Variants in SLC1A2 observed in about 807,000 individuals in gnomAD.
The protein encoded by SLC1A2 is excitatory amino acid transporter 2.
Under a neutral mutation model 48.8 loss-of-function variants are expected in SLC1A2, and 15 were observed. The observed-to-expected ratio is 0.31, with a 90% CI of 0.21 to 0.47. The LOEUF is 0.47. Among genes scored for constraint, SLC1A2 ranks in the 20% least tolerant of loss-of-function variants. The probability of loss-of-function intolerance (pLI) is 0.99; values close to 1 mark genes in which losing one functional copy is unlikely to be tolerated. For missense variants in SLC1A2, 502 were observed against 730.5 expected (o/e 0.69, Z 3.61); for synonymous variants, 279 against 272.6 (o/e 1.02, Z -0.23).
At chr11:35,417,174 T>A (rs957423159) in intron 1 of SLC1A2, among the ~76,000 whole-genome samples, 3 of 152,250 alleles carry the variant, frequency 2.0e-5, no homozygotes, top group African/African-American at 7.2e-5. Context: ...TTCTTAACCA[T>A]AAACAGTGCA....
chr11:35,285,955 T>G (rs947678146), intron 8 of SLC1A2: 1 of 152,148 alleles, frequency 6.6e-6, no homozygotes, highest in African/African-American at 2.4e-5. Context: ...GTGATAATAT[T>G]AAAAAGATGA....
At chr11:35,338,150 T>C (rs1033387421) in intron 1 of SLC1A2, among the ~76,000 whole-genome samples, 1 of 152,204 alleles carries the variant, frequency 6.6e-6, no homozygotes, top group Non-Finnish European at 1.5e-5. Context: ...AAGGTTTTAT[T>C]AGAACACAGC....
intron 1 of SLC1A2, among the ~76,000 whole-genome samples, chr11:35,368,209 A>G (rs1853927006): frequency 6.6e-6 from 1 of 152,202 alleles, no homozygotes; most frequent in African/African-American, 2.4e-5. Flanking sequence ...CAGAACATTC[A>G]TTTCACACTT....
chr11:35,326,541 G>A (rs1427271199), intron 1 of SLC1A2, among the ~76,000 whole-genome samples: 2 of 152,188 alleles, frequency 1.3e-5, no homozygotes, highest in Non-Finnish European at 2.9e-5. Flanking sequence ...GCCAGGACTG[G>A]GTCTTTTTAT....
At chr11:35,411,097 C>T (rs559513170) in intron 1 of SLC1A2, among the ~76,000 whole-genome samples, 2 of 152,276 alleles carry the variant, frequency 1.3e-5, no homozygotes, top group South Asian at 4.1e-4. Context: ...TGCTAAGATT[C>T]TATGATGATT....
At chr11:35,368,492 C>T (rs767769624) in intron 1 of SLC1A2, among the ~76,000 whole-genome samples, 5 of 152,194 alleles carry the variant, frequency 3.3e-5, no homozygotes, top group Non-Finnish European at 7.3e-5. Context: ...TATTGATTAT[C>T]ATCAAATCTA....
chr11:35,322,451 T>G (rs1368202040), intron 1 of SLC1A2: 10 of 663,204 alleles, frequency 1.5e-5, no homozygotes, highest in Non-Finnish European at 2.6e-5. Flanking sequence ...AACTCTTTTT[T>G]CCACCTTCAC....
intron 1 of SLC1A2, among the ~76,000 whole-genome samples, chr11:35,340,151 C>T (rs902404446): frequency 8.5e-5 from 13 of 152,120 alleles, no homozygotes; most frequent in Admixed American, 2.0e-4. Context: ...GAAGAAGCAA[C>T]GGGACCCAGC....
chr11:35,395,331 A>G (rs1854919158), intron 1 of SLC1A2, among the ~76,000 whole-genome samples: 1 of 151,716 alleles, frequency 6.6e-6, no homozygotes, highest in African/African-American at 2.4e-5. Context: ...TCTCTTTTTA[A>G]TCTTTGATAA....
intron 10 of SLC1A2, among the ~76,000 whole-genome samples, chr11:35,263,603 A>G (rs1950431445): frequency 6.6e-6 from 1 of 152,220 alleles, no homozygotes; most frequent in Non-Finnish European, 1.5e-5. Flanking sequence ...AAATATTAAG[A>G]GGCCTCTTGA....
At chr11:35,354,632 A>T (rs1853389790) in intron 1 of SLC1A2, among the ~76,000 whole-genome samples, 1 of 152,096 alleles carries the variant, frequency 6.6e-6, no homozygotes, top group Non-Finnish European at 1.5e-5. Context: ...TCACCCCCCA[A>T]AACAAAGAAT....
intron 9 of SLC1A2, among the ~76,000 whole-genome samples, chr11:35,266,776 A>G (rs942380916): frequency 1.3e-5 from 2 of 152,254 alleles, no homozygotes; most frequent in South Asian, 4.1e-4. Context: ...AGGACATTTT[A>G]GCTTTCAATT....
chr11:35,413,153 G>A (rs1001330641), intron 1 of SLC1A2, among the ~76,000 whole-genome samples: 5 of 152,362 alleles, frequency 3.3e-5, no homozygotes, highest in African/African-American at 9.6e-5. Flanking sequence ...CAGGTAACAT[G>A]AGAAAAGTAG....
chr11:35,402,941 A>G (rs1041879102), intron 1 of SLC1A2, among the ~76,000 whole-genome samples: 3 of 152,190 alleles, frequency 2.0e-5, no homozygotes, highest in Admixed American at 1.3e-4. Context: ...TAATCTTATC[A>G]CCTGTGGCTC....
At chr11:35,264,574 C>A (rs565032548) in intron 10 of SLC1A2, among the ~76,000 whole-genome samples, 1 of 152,352 alleles carries the variant, frequency 6.6e-6, no homozygotes, top group African/African-American at 2.4e-5. Context: ...GCCCATCAAG[C>A]TTGAAGAATT....
intron 1 of SLC1A2, among the ~76,000 whole-genome samples, chr11:35,355,955 G>A (rs967193415): frequency 1.3e-5 from 2 of 151,726 alleles, no homozygotes; most frequent in African/African-American, 4.8e-5. Flanking sequence ...TCTGAGCCTT[G>A]GTTTTCTCAT....
At chr11:35,278,362 G>A (rs753763298) in intron 9 of SLC1A2, among the ~76,000 whole-genome samples, 40 of 139,598 alleles carry the variant, frequency 2.9e-4, no homozygotes, top group Non-Finnish European at 5.3e-4. Context: ...TGCAACCTCC[G>A]CCTCCCAGGT....
At chr11:35,291,370 T>C (rs1355803702) in intron 7 of SLC1A2, 1 of 152,058 alleles carries the variant, frequency 6.6e-6, no homozygotes, top group Non-Finnish European at 1.5e-5. Flanking sequence ...CAAGCAATTC[T>C]CCTGCCACAG....
intron 1 of SLC1A2, among the ~76,000 whole-genome samples, chr11:35,370,246 G>C (rs1854011139): frequency 6.6e-6 from 1 of 152,182 alleles, no homozygotes; most frequent in African/African-American, 2.4e-5. Context: ...CCTTGCTGAA[G>C]GTCAAGCATG....
Sources: allele counts gnomAD v4.1 joint callset (sites outside exome capture counted in the v4.1 genomes callset), GRCh38; gene constraint gnomAD v4.1.1; transcripts MANE v1.5; gene names NCBI Gene and HGNC (gene_info 2026-07-23, HGNC 2026-07-21).